AUTS2: variants seen among roughly 807,000 people sequenced by gnomAD.
AUTS2 encodes autism susceptibility gene 2 protein.
A neutral mutation model predicts 112.4 loss-of-function variants in AUTS2; 17 were observed. The ratio of observed to expected loss-of-function variants is 0.15; its 90% CI spans 0.10 to 0.23. The LOEUF is 0.23. Ranked by LOEUF, AUTS2 falls within the 10% of genes least tolerant of loss-of-function variation. AUTS2 has a pLI of 1.00. For missense variants in AUTS2, 1,510 were observed against 1,701.6 expected, an observed-to-expected ratio of 0.89 and a Z score of 1.98; for synonymous variants, 751 against 702.7, an observed-to-expected ratio of 1.07 and a Z score of -1.09.
At chr7:70,147,233 A>C (rs974865736) in intron 4 of AUTS2, among the ~76,000 whole-genome samples, 3 of 152,082 alleles carry the variant, frequency 2.0e-5, no homozygotes, top group Non-Finnish European at 4.4e-5. Context: ...AAAAAAAAAA[A>C]AGTAAAATCA....
intron 1 of AUTS2, among the ~76,000 whole-genome samples, chr7:69,854,528 A>G (rs902074304): frequency 2.0e-5 from 3 of 151,956 alleles, no homozygotes; most frequent in Admixed American, 1.3e-4. Flanking sequence ...ATCCATTGCT[A>G]GTTTCTTTTA....
intron 5 of AUTS2, among the ~76,000 whole-genome samples, chr7:70,649,075 C>T (rs1298251095): frequency 4.6e-5 from 7 of 151,996 alleles, no homozygotes; most frequent in East Asian, 1.9e-4. Context: ...CCTCAGCTTA[C>T]GGAAAGAAGC....
chr7:70,758,316 A>G (rs1232836670), intron 6 of AUTS2, among the ~76,000 whole-genome samples: 1 of 152,088 alleles, frequency 6.6e-6, no homozygotes, highest in African/African-American at 2.4e-5. Flanking sequence ...TGTAGACTAA[A>G]TCCTTAACAC....
chr7:70,398,885 C>G (rs1184577122), intron 4 of AUTS2, among the ~76,000 whole-genome samples: 1 of 151,698 alleles, frequency 6.6e-6, no homozygotes, highest in Non-Finnish European at 1.5e-5. Flanking sequence ...CTTTTCTAAT[C>G]CTGGTTTTCT....
intron 4 of AUTS2, among the ~76,000 whole-genome samples, chr7:70,172,645 C>G (rs907599453): frequency 2.6e-5 from 4 of 152,150 alleles, no homozygotes; most frequent in African/African-American, 9.7e-5. Flanking sequence ...TGCCTTCTTT[C>G]CCTATGCACT....
chr7:70,371,357 A>C (rs1206587144), intron 4 of AUTS2, among the ~76,000 whole-genome samples: 2 of 152,180 alleles, frequency 1.3e-5, no homozygotes, highest in African/African-American at 2.4e-5. Flanking sequence ...TAATAGAATG[A>C]ATGTATTGAT....
chr7:70,063,961 A>G (rs1802373891), intron 2 of AUTS2, among the ~76,000 whole-genome samples: 2 of 152,240 alleles, frequency 1.3e-5, no homozygotes, highest in South Asian at 4.2e-4. Context: ...CCTTTTAGTT[A>G]CTGAGTTCTA....
chr7:70,348,274 G>A (rs1294629763), intron 4 of AUTS2, among the ~76,000 whole-genome samples: 1 of 152,100 alleles, frequency 6.6e-6, no homozygotes, highest in Non-Finnish European at 1.5e-5. Flanking sequence ...CTAGCCATTG[G>A]CAAAACACGA....
At position 69,599,711 on chromosome 7, in the gene AUTS2, C is replaced by T; in HGVS notation, c.58C>T (p.Arg20Ter). 2 of 1,327,272 alleles carry T rather than the reference C, an allele frequency of 1.5e-6. No homozygotes were observed. The highest frequency in any genetic ancestry group is 2.4e-5 in the South Asian group (1 of 41,400). 82.2% of individuals were successfully genotyped at this position (1,327,272 alleles called of 1,614,324 possible). ...LRKKRRSRSQ[R>*]DRERRSRGGL... The stretch of plus-strand genomic sequence containing the variant: ...CAAAAAGCGGCGGTCGCGGTCGCAG[C>T]GAGACCGGGAGAGGCGCTCCCGGGG... Residue 20 changes from arginine (R) to a stop codon, truncating the protein, a stop_gained, in exon 1 of 19, where the codon CGA becomes TGA. Transcript: ENST00000342771. LOFTEE classifies it high-confidence loss of function. This position sits in a 1 kb window ranked among gnomAD's most constrained non-coding sequence, Gnocchi z 7.0.
At position 70,546,183 on chromosome 7, in the gene AUTS2, C is replaced by T. The variant is rs185888264; in HGVS notation, c.690+110402C>T. Among the ~76,000 whole-genome samples, 98 of 152,278 alleles carry T rather than the reference C, an allele frequency of 6.4e-4. 1 individual carries two copies. Among genetic ancestry groups the T allele is most frequent in the Admixed American group, 1.4e-3 (21 of 15,292 alleles). ...TTTTAGCTGGGTGTGGTGGCTCATG[C>T]CTGTAATCCCAGCACTTTGGGAGGC... On this transcript the variant is annotated intron_variant, in intron 5 of 18. Transcript: ENST00000342771.
intron 4 of AUTS2, among the ~76,000 whole-genome samples, chr7:70,181,032 TAG>T (rs1809269178): frequency 6.6e-6 from 1 of 152,210 alleles, no homozygotes; most frequent in Non-Finnish European, 1.5e-5. Flanking sequence ...AACAAATATA[TAG>T]TATGCTTATA....
At position 69,761,713 on chromosome 7, in the gene AUTS2, C is replaced by G. The variant is rs148301129; in HGVS notation, c.310-137573C>G. ...ATTAACTTCAGAAAATCCCCTTGCT[C>G]TCACAGATGGGAATTTGGCTGGGTA... is the stretch of plus-strand genomic sequence containing the variant. On this transcript the variant is annotated intron_variant, in intron 1 of 18. Transcript: ENST00000342771. Among the ~76,000 whole-genome samples, 282 of 152,286 alleles carry G rather than the reference C, an allele frequency of 1.9e-3. 3 individuals carry two copies. Among genetic ancestry groups the G allele is most frequent in the African/African-American group, 6.6e-3 (275 of 41,556 alleles).
At chr7:70,426,579 G>A (rs977414179) in intron 4 of AUTS2, among the ~76,000 whole-genome samples, 5 of 152,218 alleles carry the variant, frequency 3.3e-5, no homozygotes, top group Non-Finnish European at 5.9e-5. Flanking sequence ...GCACAGAGAT[G>A]AGAAGTGAAA....
chr7:70,150,824 T>C (rs910927904), intron 4 of AUTS2, among the ~76,000 whole-genome samples: 6 of 152,184 alleles, frequency 3.9e-5, no homozygotes, highest in African/African-American at 1.4e-4. Flanking sequence ...AAGAAAAATA[T>C]TCATGAAAAG....
chr7:69,661,804 T>C (rs1475189022), intron 1 of AUTS2, among the ~76,000 whole-genome samples: 1 of 152,200 alleles, frequency 6.6e-6, no homozygotes, highest in African/African-American at 2.4e-5. Context: ...ATTTGTGTGT[T>C]CCATGTGGAA....
At chr7:70,411,657 A>G (rs1445544413) in intron 4 of AUTS2, among the ~76,000 whole-genome samples, 1 of 152,192 alleles carries the variant, frequency 6.6e-6, no homozygotes, top group African/African-American at 2.4e-5. Flanking sequence ...TAATATAGAT[A>G]CTACATATAA....
chr7:70,116,791 C>A (rs1238768240), intron 2 of AUTS2, among the ~76,000 whole-genome samples: 1 of 152,180 alleles, frequency 6.6e-6, no homozygotes, highest in Non-Finnish European at 1.5e-5. Context: ...TCTGAACCTC[C>A]CTGGCTACTT....
intron 1 of AUTS2, among the ~76,000 whole-genome samples, chr7:69,668,818 A>T (rs1562798321): frequency 6.6e-6 from 1 of 152,214 alleles, no homozygotes; most frequent in East Asian, 1.9e-4. Flanking sequence ...TGTTCTACTA[A>T]AAGTGAATTA....
chr7:70,556,555 C>G (rs1402532499), intron 5 of AUTS2, among the ~76,000 whole-genome samples: 1 of 152,176 alleles, frequency 6.6e-6, no homozygotes, highest in Non-Finnish European at 1.5e-5. Flanking sequence ...GTTGTGGCCT[C>G]TTGTTATGCC....
Sources: gnomAD v4.1 joint callset for allele counts (sites outside exome capture counted in the v4.1 genomes callset) on GRCh38, gnomAD v4.1.1 for gene constraint, Gnocchi (gnomAD v3.1) non-coding constraint, MANE v1.5 for transcripts, NCBI Gene and HGNC (gene_info 2026-07-23, HGNC 2026-07-21) for gene names.